FHIT: variants seen among roughly 807,000 people sequenced by gnomAD.
FHIT encodes fragile histidine triad diadenosine triphosphatase.
FHIT carries 19 observed loss-of-function variants against 17.9 expected under a neutral mutation model. The observed-to-expected ratio is 1.06, with a 90% CI of 0.74 to 1.56. The LOEUF (loss-of-function observed/expected upper bound fraction) is 1.56. FHIT is among the 40% of genes most tolerant of loss of function. FHIT has a pLI of 0.00. For missense variants in FHIT, 248 were observed against 189.2 expected (o/e 1.31, Z -1.82); for synonymous variants, 81 against 69.7 (o/e 1.16, Z -0.81).
chr3:59,913,822 T>G (rs1285260890), intron 8 of FHIT, among the ~76,000 whole-genome samples: 2 of 152,148 alleles, frequency 1.3e-5, no homozygotes, highest in African/African-American at 4.8e-5. Context: ...TTAAACAGTT[T>G]GCAATAAACC....
At chr3:59,786,598 T>C (rs1699309870) in intron 8 of FHIT, among the ~76,000 whole-genome samples, 1 of 152,236 alleles carries the variant, frequency 6.6e-6, no homozygotes, top group African/African-American at 2.4e-5. Context: ...TGCAGAATGA[T>C]GGAAATTGCC....
At chr3:60,552,030 C>A (rs1318635211) in intron 4 of FHIT, among the ~76,000 whole-genome samples, 2 of 152,074 alleles carry the variant, frequency 1.3e-5, no homozygotes, top group Non-Finnish European at 2.9e-5. Flanking sequence ...TACTATTCTA[C>A]TTTCTGTCTC....
At chr3:60,242,332 A>G (rs116765347) in intron 5 of FHIT, among the ~76,000 whole-genome samples, 1,592 of 152,218 alleles carry the variant, frequency 0.01, 13 homozygotes, top group Middle Eastern at 0.065. Flanking sequence ...CAAACTCTAT[A>G]TATTTCACCC....
At chr3:60,440,672 G>C (rs557945112) in intron 5 of FHIT, among the ~76,000 whole-genome samples, 63 of 152,020 alleles carry the variant, frequency 4.1e-4, no homozygotes, top group South Asian at 1.7e-3. Flanking sequence ...ACTCCCCAAA[G>C]GTAACCAAAC....
intron 3 of FHIT, among the ~76,000 whole-genome samples, chr3:60,930,195 T>C (rs200452710): frequency 5.3e-5 from 8 of 152,106 alleles, no homozygotes; most frequent in East Asian, 1.9e-4. Context: ...CCCTTCCTTA[T>C]ACCTTATACA....
chr3:60,112,801 T>C (rs1007800689), intron 5 of FHIT, among the ~76,000 whole-genome samples: 1 of 152,156 alleles, frequency 6.6e-6, no homozygotes, highest in Non-Finnish European at 1.5e-5. Flanking sequence ...CAAGCAGCAA[T>C]CAAGGCTGCC....
At chr3:60,900,224 T>G (rs1248178345) in intron 3 of FHIT, among the ~76,000 whole-genome samples, 1 of 151,982 alleles carries the variant, frequency 6.6e-6, no homozygotes, top group Non-Finnish European at 1.5e-5. Context: ...AGGGCCACAG[T>G]TAGGGTGCAG....
At chr3:61,210,726 A>T (rs2106757066) in intron 1 of FHIT, among the ~76,000 whole-genome samples, 1 of 152,188 alleles carries the variant, frequency 6.6e-6, no homozygotes, top group East Asian at 2.0e-4. Flanking sequence ...TTACTAGGAA[A>T]GGGAATTCAC....
chr3:60,093,903 A>T (rs553345257), intron 5 of FHIT, among the ~76,000 whole-genome samples: 1 of 152,118 alleles, frequency 6.6e-6, no homozygotes, highest in African/African-American at 2.4e-5. Flanking sequence ...ACAGGCATCA[A>T]TGTTTCAAAT....
chr3:60,806,398 G>A (rs1701388802), intron 4 of FHIT, among the ~76,000 whole-genome samples: 1 of 152,166 alleles, frequency 6.6e-6, no homozygotes, highest in Non-Finnish European at 1.5e-5. Flanking sequence ...TTTGAAGGCG[G>A]ACCTGCAGCT....
intron 5 of FHIT, among the ~76,000 whole-genome samples, chr3:60,532,483 C>G (rs1409158883): frequency 6.6e-6 from 1 of 152,146 alleles, no homozygotes; most frequent in Non-Finnish European, 1.5e-5. Context: ...AATAGCTGGG[C>G]TGCACTGAGA....
chr3:60,196,634 C>T (rs1432166882), intron 5 of FHIT, among the ~76,000 whole-genome samples: 3 of 152,044 alleles, frequency 2.0e-5, no homozygotes, highest in Non-Finnish European at 4.4e-5. Context: ...AGGGACCACA[C>T]ACCCGCCCTA....
At chr3:60,228,033 T>C (rs1186525825) in intron 5 of FHIT, among the ~76,000 whole-genome samples, 1 of 152,160 alleles carries the variant, frequency 6.6e-6, no homozygotes, top group East Asian at 1.9e-4. Context: ...AACTTTTTCC[T>C]CCAAGCCTCT....
intron 8 of FHIT, among the ~76,000 whole-genome samples, chr3:59,856,072 C>G (rs557420767): frequency 6.6e-6 from 1 of 152,010 alleles, no homozygotes; most frequent in African/African-American, 2.4e-5. Flanking sequence ...TGAGCCACCA[C>G]GCCCAGCCAA....
intron 1 of FHIT, among the ~76,000 whole-genome samples, chr3:61,242,833 T>TTATCAAC (rs2040404651): frequency 6.6e-6 from 1 of 152,186 alleles, no homozygotes. Context: ...ATGAGCCAGT[T>TTATCAAC]TATCAACCTG....
intron 8 of FHIT, among the ~76,000 whole-genome samples, chr3:59,774,298 A>G (rs1301831557): frequency 6.6e-6 from 1 of 152,242 alleles, no homozygotes; most frequent in African/African-American, 2.4e-5. Context: ...CAGAAACTGA[A>G]TAGCCTGAAG....
chr3:61,060,082 GAC>G (rs2034372429), intron 2 of FHIT, among the ~76,000 whole-genome samples: 1 of 152,044 alleles, frequency 6.6e-6, no homozygotes, highest in Non-Finnish European at 1.5e-5. Flanking sequence ...GAGCTGCTGG[GAC>G]ATGCTGCAGC....
chr3:61,129,090 T>C (rs2036693290), intron 2 of FHIT, among the ~76,000 whole-genome samples: 1 of 152,182 alleles, frequency 6.6e-6, no homozygotes, highest in African/African-American at 2.4e-5. Context: ...TCAATAATTG[T>C]AAATAAACAA....
At chr3:61,250,823 C>T (rs2040604717) in intron 1 of FHIT, among the ~76,000 whole-genome samples, 1 of 152,218 alleles carries the variant, frequency 6.6e-6, no homozygotes, top group African/African-American at 2.4e-5. Context: ...GTAAAATTAT[C>T]TCCCAAAATG....
Sources: gnomAD v4.1 joint callset for allele counts (sites outside exome capture counted in the v4.1 genomes callset) on GRCh38, gnomAD v4.1.1 for gene constraint, MANE v1.5 for transcripts, NCBI Gene and HGNC (gene_info 2026-07-23, HGNC 2026-07-21) for gene names.